Variants in GRIN2A observed in about 807,000 individuals in gnomAD.
GRIN2A encodes glutamate receptor ionotropic, NMDA 2A.
In GRIN2A, 22 loss-of-function variants were observed where a neutral mutation model predicts 113.4. The observed-to-expected ratio is 0.19, with a 90% CI of 0.14 to 0.28. GRIN2A has a LOEUF of 0.28. GRIN2A is among the 10% of genes least tolerant of loss of function. The pLI, the probability that GRIN2A is intolerant of heterozygous loss-of-function variation, is 1.00. For synonymous variants in GRIN2A, 827 were observed against 738.4 expected (o/e 1.12, Z -1.94); for missense variants, 1,502 against 1,887.0 (o/e 0.80, Z 3.78).
At chr16:10,148,427 G>T (rs1348943796) in intron 2 of GRIN2A, among the ~76,000 whole-genome samples, 1 of 152,060 alleles carries the variant, frequency 6.6e-6, no homozygotes, top group African/African-American at 2.4e-5. Context: ...AAATATAAAA[G>T]AGTGGAGCAT....
At chr16:10,169,094 G>A (rs1352168398) in intron 2 of GRIN2A, among the ~76,000 whole-genome samples, 2 of 151,852 alleles carry the variant, frequency 1.3e-5, no homozygotes, top group East Asian at 1.9e-4. Flanking sequence ...AGCCCATGGA[G>A]TATCTGAACA....
At chr16:9,956,923 G>A (rs1165080265) in intron 2 of GRIN2A, among the ~76,000 whole-genome samples, 2 of 152,090 alleles carry the variant, frequency 1.3e-5, no homozygotes, top group Non-Finnish European at 2.9e-5. Context: ...TTGGGGTGAG[G>A]GTGAAAGAGA....
chr16:10,027,336 C>T (rs12935101), intron 2 of GRIN2A, among the ~76,000 whole-genome samples: 2 of 151,908 alleles, frequency 1.3e-5, no homozygotes, highest in Non-Finnish European at 2.9e-5. Flanking sequence ...GCTATCAAGA[C>T]AACCCAAGTA....
At chr16:9,891,514 A>G (rs1445788801) in intron 3 of GRIN2A, among the ~76,000 whole-genome samples, 1 of 152,240 alleles carries the variant, frequency 6.6e-6, no homozygotes, top group African/African-American at 2.4e-5. Flanking sequence ...AGCATTTGCT[A>G]TATGTCAGGA....
chr16:9,789,400 A>G (rs1238422449), intron 11 of GRIN2A, among the ~76,000 whole-genome samples: 1 of 152,158 alleles, frequency 6.6e-6, no homozygotes, highest in Non-Finnish European at 1.5e-5. Context: ...ACTGAATCCC[A>G]TATTCCAGAA....
At chr16:9,806,500 A>T (rs1472057898) in intron 10 of GRIN2A, among the ~76,000 whole-genome samples, 2 of 152,162 alleles carry the variant, frequency 1.3e-5, no homozygotes, top group Admixed American at 1.3e-4. Flanking sequence ...TTTTTAGCTG[A>T]TAATAAATCC....
At chr16:10,039,561 C>A (rs1187928593) in intron 2 of GRIN2A, among the ~76,000 whole-genome samples, 1 of 151,972 alleles carries the variant, frequency 6.6e-6, no homozygotes, top group African/African-American at 2.4e-5. Context: ...CTGCCACCTA[C>A]AGAACAGAGG....
chr16:10,154,121 T>G (rs747962342), intron 2 of GRIN2A, among the ~76,000 whole-genome samples: 2 of 152,148 alleles, frequency 1.3e-5, no homozygotes, highest in Non-Finnish European at 2.9e-5. Flanking sequence ...CAATCAAATG[T>G]GAGCTGAAGC....
intron 4 of GRIN2A, among the ~76,000 whole-genome samples, chr16:9,872,561 C>T (rs35342588): frequency 0.23 from 34,405 of 152,086 alleles, 4,043 homozygotes; most frequent in African/African-American, 0.25. Context: ...AATGCAAAGC[C>T]TCCATGTCAT....
At chr16:10,171,513 A>C (rs1070505) in intron 2 of GRIN2A, 93,880 of 152,068 alleles carry the variant, frequency 0.62, 29,319 homozygotes, top group Non-Finnish European at 0.65. Context: ...TGCCAGGATA[A>C]AGCTCTCAGC....
intron 9 of GRIN2A, among the ~76,000 whole-genome samples, chr16:9,823,993 G>A (rs918264805): frequency 2.0e-5 from 3 of 152,138 alleles, no homozygotes; most frequent in Admixed American, 6.5e-5. Context: ...ACTAAGAACC[G>A]CCAGGGTAAG....
intron 2 of GRIN2A, among the ~76,000 whole-genome samples, chr16:10,021,163 C>T (rs1277228932): frequency 1.3e-5 from 2 of 152,144 alleles, no homozygotes; most frequent in Non-Finnish European, 2.9e-5. Context: ...AGAGGGAAGA[C>T]CACAGCTGGG....
intron 3 of GRIN2A, among the ~76,000 whole-genome samples, chr16:9,919,112 G>T (rs2044311182): frequency 6.6e-6 from 1 of 152,138 alleles, no homozygotes; most frequent in Admixed American, 6.6e-5. Flanking sequence ...GGCGGAGGTT[G>T]CAGTGAGCCT....
At position 9,934,351 on chromosome 16, in the gene GRIN2A, T is replaced by C. The variant is rs75677902; in HGVS notation, c.1007+3608A>G. Among the ~76,000 whole-genome samples the C allele has an allele frequency of 8.3e-3, 1,257 of 151,792 alleles. 5 individuals carry two copies. The highest frequency in any genetic ancestry group is 0.013 in the Non-Finnish European group (870 of 67,942). On this transcript the variant is annotated intron_variant, in intron 3 of 12. Transcript: ENST00000330684. ...ATGTATCCCAGGGGCTAGCACAGAGTCTGTTGGTTGGAAGCAATGATAGAC... is the reference window on the plus strand; with the variant it reads ...ATGTATCCCAGGGGCTAGCACAGAGCCTGTTGGTTGGAAGCAATGATAGAC...
intron 2 of GRIN2A, among the ~76,000 whole-genome samples, chr16:10,081,172 T>C (rs769041687): frequency 6.6e-6 from 1 of 152,204 alleles, no homozygotes; most frequent in African/African-American, 2.4e-5. Context: ...GAGGTTAGCA[T>C]GAGGCAACTG....
intron 2 of GRIN2A, among the ~76,000 whole-genome samples, chr16:10,081,806 A>C (rs1307562667): frequency 1.3e-5 from 2 of 152,124 alleles, no homozygotes; most frequent in African/African-American, 4.8e-5. Context: ...GGGTCAGGCT[A>C]TGGAACTGAT....
At chr16:10,088,982 G>A (rs182922607) in intron 2 of GRIN2A, among the ~76,000 whole-genome samples, 75 of 152,242 alleles carry the variant, frequency 4.9e-4, no homozygotes, top group Middle Eastern at 3.4e-3. Context: ...TCTGTATGAC[G>A]TTGAGCAAGT....
At chr16:9,986,747 A>G (rs924731001) in intron 2 of GRIN2A, among the ~76,000 whole-genome samples, 4 of 146,272 alleles carry the variant, frequency 2.7e-5, no homozygotes, top group African/African-American at 1.0e-4. Context: ...CCCAGGCAAC[A>G]GTGCAAGACG....
intron 2 of GRIN2A, among the ~76,000 whole-genome samples, chr16:10,039,789 A>AGGGGGAGGGGGG (rs2047111172): frequency 1.4e-4 from 1 of 7,196 alleles, no homozygotes; most frequent in Admixed American, 1.4e-3. Flanking sequence ...GGGGAGGGGG[A>AGGGGGAGGGGGG]GGGGGAGGGG....
Sources: allele counts gnomAD v4.1 joint callset (sites outside exome capture counted in the v4.1 genomes callset), GRCh38; gene constraint gnomAD v4.1.1; transcripts MANE v1.5; gene names NCBI Gene and HGNC (gene_info 2026-07-23, HGNC 2026-07-21).